ETFA: variants seen among roughly 807,000 people sequenced by gnomAD.
ETFA encodes the protein electron transfer flavoprotein subunit alpha, also known as electron transfer flavoprotein subunit alpha, mitochondrial.
In ETFA, 22 loss-of-function variants were observed where a neutral mutation model predicts 46.2. That is an observed-to-expected ratio of 0.48 (90% confidence interval 0.34 to 0.68). The LOEUF is 0.68. Among genes scored for constraint, ETFA ranks in the 30% least tolerant of loss-of-function variants. The pLI is 0.01. For missense variants in ETFA, 345 were observed against 401.1 expected, an observed-to-expected ratio of 0.86 and a Z score of 1.19; for synonymous variants, 131 against 139.9, an observed-to-expected ratio of 0.94 and a Z score of 0.45.
chr15:76,263,636 G>A (rs1210230553), intron 9 of ETFA, among the ~76,000 whole-genome samples: 2 of 152,168 alleles, frequency 1.3e-5, no homozygotes, highest in Non-Finnish European at 2.9e-5. Context: ...TTGGATGAAT[G>A]GGAGACAACG....
At chr15:76,234,122 C>T (rs898548068) in intron 9 of ETFA, among the ~76,000 whole-genome samples, 1 of 152,102 alleles carries the variant, frequency 6.6e-6, no homozygotes, top group Non-Finnish European at 1.5e-5. Context: ...AATAAATGGT[C>T]CAAATGGATC....
At chr15:76,220,066 C>T (rs11853864) in intron 11 of ETFA, among the ~76,000 whole-genome samples, 2,723 of 152,204 alleles carry the variant, frequency 0.018, 87 homozygotes, top group African/African-American at 0.063. Context: ...CAATGGGTTT[C>T]TGTTTTTTGT....
chr15:76,228,742 T>TTA (rs1458628602), intron 10 of ETFA: 2 of 170,028 alleles, frequency 1.2e-5, no homozygotes, highest in Non-Finnish European at 2.5e-5. Context: ...AACCATATTA[T>TTA]TATTATTACT....
At chr15:76,229,605 TTTTA>T (rs1351691999) in intron 10 of ETFA, among the ~76,000 whole-genome samples, 3 of 152,316 alleles carry the variant, frequency 2.0e-5, no homozygotes, top group South Asian at 2.1e-4. Context: ...AGTTTCTTTC[TTTTA>T]TTTATTTATT....
rs757409121 is a variant in ETFA at position 76,274,435 on chromosome 15, G to C, written c.793C>G (p.Gln265Glu). ...ACTGGTGCTACTATTTTTCCCGTCT[G>C]TCCAACTTGCATGTCATTGGGAACA... ...GFVPNDMQVGQTGKIVAPELY... is the reference protein window; with the variant it reads ...GFVPNDMQVGETGKIVAPELY... The change falls in exon 9 of 12, where the codon CAG becomes GAG. Residue 265 changes from glutamine to glutamate, a missense_variant. Gln to Glu is a conservative substitution (Grantham distance 29). Transcript: ENST00000557943. 2.5e-6 allele frequency: 4 copies of C among 1,611,680 alleles called. No individual in the cohort carries two copies. The highest frequency in any genetic ancestry group is 3.4e-6 in the Non-Finnish European group (4 of 1,178,652).
chr15:76,256,180 C>T (rs1485384384), intron 9 of ETFA, among the ~76,000 whole-genome samples: 1 of 151,380 alleles, frequency 6.6e-6, no homozygotes, highest in Non-Finnish European at 1.5e-5. Flanking sequence ...ATCACTTGAA[C>T]CCGGGAGGTG....
At chr15:76,252,238 G>A (rs1046793071) in intron 9 of ETFA, among the ~76,000 whole-genome samples, 14 of 152,016 alleles carry the variant, frequency 9.2e-5, no homozygotes, top group Admixed American at 5.9e-4. Context: ...TCACAACTAC[G>A]GCTCACTGCA....
intron 9 of ETFA, chr15:76,259,889 G>A (rs2039387217): frequency 2.4e-6 from 3 of 1,275,676 alleles, no homozygotes; most frequent in Non-Finnish European, 3.4e-6. Context: ...CTTCATGAAG[G>A]GCAAGATGAC....
intron 4 of ETFA, among the ~76,000 whole-genome samples, chr15:76,291,612 A>T (rs1386600318): frequency 6.6e-6 from 1 of 150,512 alleles, no homozygotes; most frequent in Non-Finnish European, 1.5e-5. Context: ...TAGCCGGGCG[A>T]GCTGGCGGGC....
Position 76,231,347 on chromosome 15 carries a change from T to A in ETFA, c.868A>T (p.Met290Leu). Residue 290 changes from methionine to leucine, a missense_variant, in exon 10 of 12, where the codon ATG (methionine) becomes TTG (leucine). Coordinates refer to ENST00000557943, the MANE Select transcript of ETFA (RefSeq NM_000126.4). ...ISGAIQHLAGMKDSKTIVAIN... is the reference protein window; with the variant it reads ...ISGAIQHLAGLKDSKTIVAIN... ...TGTACAATTACCTTGCTGTCTTTCA[T>A]CCCAGCTAAATGTTGGATGGCTCCA... is the stretch of plus-strand genomic sequence containing the variant. 1 of 1,604,496 alleles carries A rather than the reference T, an allele frequency of 6.2e-7. No homozygotes were observed. The highest frequency in any genetic ancestry group is 8.5e-7 in the Non-Finnish European group (1 of 1,171,244).
At position 76,295,786 on chromosome 15, in the gene ETFA, G is replaced by GTTT. The variant is rs59517673; in HGVS notation, c.40-52_40-50dup. 5.5e-3 allele frequency: 6,070 copies of GTTT among 1,098,014 alleles called. 4 individuals carry two copies. The highest frequency in any genetic ancestry group is 0.013 in the African/African-American group (756 of 56,198). 68.0% of individuals were successfully genotyped at this position (1,098,014 alleles called of 1,614,324 possible). ...AAAAGGTAAAGAATGTTGTCACAGG[G>GTTT]TTTTTTTTTTTTTTTTTACTAATTG... On this transcript the variant is annotated intron_variant, in intron 1 of 11. Transcript: ENST00000557943.
chr15:76,302,077 T>C (rs1685696228), intron 1 of ETFA, among the ~76,000 whole-genome samples: 1 of 152,214 alleles, frequency 6.6e-6, no homozygotes, highest in Non-Finnish European at 1.5e-5. Flanking sequence ...CTCTCATTCA[T>C]TGCTGGTAAA....
At chr15:76,241,577 G>A (rs2039189206) in intron 9 of ETFA, among the ~76,000 whole-genome samples, 2 of 151,832 alleles carry the variant, frequency 1.3e-5, no homozygotes, top group South Asian at 4.2e-4. Context: ...GAGGCAGGCG[G>A]ATCACGAGGT....
At chr15:76,222,829 C>A (rs1284594974) in intron 11 of ETFA, among the ~76,000 whole-genome samples, 2 of 124,418 alleles carry the variant, frequency 1.6e-5, no homozygotes, top group African/African-American at 5.4e-5. Context: ...TTTTTTTCCC[C>A]CAAACTGAAT....
chr15:76,236,809 T>C (rs185033257), intron 9 of ETFA, among the ~76,000 whole-genome samples: 266 of 152,324 alleles, frequency 1.7e-3, no homozygotes, highest in Non-Finnish European at 3.6e-3. Context: ...ATGATCAGTT[T>C]ATACTCTGAA....
At position 76,244,676 on chromosome 15, in the gene ETFA, A is replaced by C. The variant is rs1006647330; in HGVS notation, c.817-13278T>G. ...TTGGTTTTTATAGGAAAAAAAAAAAACAAAATTACATAGAATAAGAATAGA... is the reference window on the plus strand; with the variant it reads ...TTGGTTTTTATAGGAAAAAAAAAAACCAAAATTACATAGAATAAGAATAGA... On this transcript the variant is annotated intron_variant, in intron 9 of 11. Coordinates refer to ENST00000557943, the MANE Select transcript of ETFA (RefSeq NM_000126.4). Among the ~76,000 whole-genome samples the C allele has an allele frequency of 8.6e-5, 13 of 150,892 alleles. No individual in the cohort carries two copies. The South Asian group carries it at 2.1e-3, about 25-fold the overall frequency.
chr15:76,231,904 T>G (rs1204328671), intron 9 of ETFA, among the ~76,000 whole-genome samples: 4 of 152,190 alleles, frequency 2.6e-5, no homozygotes, highest in African/African-American at 9.6e-5. Context: ...GGATATTTGT[T>G]AAAATGGTAA....
At chr15:76,261,928 C>G (rs754551065) in intron 9 of ETFA, among the ~76,000 whole-genome samples, 2 of 152,150 alleles carry the variant, frequency 1.3e-5, no homozygotes, top group Admixed American at 6.5e-5. Flanking sequence ...ATAGGTGGAT[C>G]GCTTGAGCCT....
chr15:76,235,792 T>TA (rs1270956846), intron 9 of ETFA, among the ~76,000 whole-genome samples: 1 of 152,176 alleles, frequency 6.6e-6, no homozygotes, highest in African/African-American at 2.4e-5. Flanking sequence ...GAAAAGCCGT[T>TA]AGGAGCAGAA....
Sources: allele counts gnomAD v4.1 joint callset (sites outside exome capture counted in the v4.1 genomes callset), GRCh38; gene constraint gnomAD v4.1.1; transcripts MANE v1.5; gene names NCBI Gene and HGNC (gene_info 2026-07-23, HGNC 2026-07-21).